The following CD82 variants were observed in gnomAD, a reference collection of about 807,000 sequenced individuals.
CD82 encodes CD82 molecule, also known as CD82 antigen.
In CD82, 36 loss-of-function variants were observed where a neutral mutation model predicts 37.4. The ratio of observed to expected loss-of-function variants is 0.96; its 90% confidence interval spans 0.74 to 1.27. CD82 has a LOEUF of 1.27. CD82 is among the 50% of genes most tolerant of loss of function. The pLI is 0.00. For synonymous variants in CD82, 158 were observed against 137.4 expected, an observed-to-expected ratio of 1.15 and a Z score of -1.05; for missense variants, 340 against 347.0, an observed-to-expected ratio of 0.98 and a Z score of 0.16.
rs769734246 is a variant in CD82, at chr11:44,587,541, A to G, written c.-36A>G. The G allele has an allele frequency of 4.4e-6, 2 of 456,234 alleles. No individual in the cohort carries two copies. The highest frequency in any genetic ancestry group is 4.0e-5 in the African/African-American group (2 of 50,080). The allele number at this position is 456,234 out of a possible 1,614,324, so 28.3% of individuals were successfully genotyped here. Reference sequence around the variant, plus strand: ...AGAAGTGGGCCCTGTGACCAGCTGCACTGGTTTCGTGGAAGGTAAGTCCTG... The same window carrying G: ...AGAAGTGGGCCCTGTGACCAGCTGCGCTGGTTTCGTGGAAGGTAAGTCCTG... On this transcript the variant is annotated 5_prime_UTR_variant, in exon 2 of 10. Coordinates refer to ENST00000227155, the MANE Select transcript of CD82 (RefSeq NM_002231.4).
intron 6 of CD82, among the ~76,000 whole-genome samples, chr11:44,614,542 C>T (rs1014912501): frequency 4.6e-5 from 7 of 152,236 alleles, no homozygotes; most frequent in Non-Finnish European, 7.3e-5. Flanking sequence ...CCTGCCCCCA[C>T]GGAGCTGATG....
At chr11:44,588,227 G>GT (rs1853088101) in intron 2 of CD82, among the ~76,000 whole-genome samples, 3 of 59,788 alleles carry the variant, frequency 5.0e-5, no homozygotes, top group Non-Finnish European at 7.3e-5. Context: ...TTTGTTTTTT[G>GT]TTTTTTGTTT....
Position 44,618,678 on chromosome 11 carries a change from C to A in CD82, c.681C>A (p.Asn227Lys). 1 of 1,613,376 alleles carries A rather than the reference C, an allele frequency of 6.2e-7. No individual in the cohort carries two copies. The highest frequency in any genetic ancestry group is 8.5e-7 in the Non-Finnish European group (1 of 1,179,960). The change falls in exon 9 of 10, where the codon AAC (asparagine) becomes AAA (lysine). Residue 227 changes from asparagine to lysine, a missense_variant. By Grantham distance (94) the Asn-to-Lys change is moderately conservative. Transcript: ENST00000227155. Reference protein sequence around the residue: ...MEKVQAWLQENLGIILGVGVG... With the variant: ...MEKVQAWLQEKLGIILGVGVG... ...AGGTGCAGGCGTGGCTGCAGGAGAA[C>A]CTGGGCATCATCCTCGGCGTGGGCG... is the stretch of plus-strand genomic sequence containing the variant.
At chr11:44,617,586 G>T (rs556267921) in intron 7 of CD82, among the ~76,000 whole-genome samples, 16 of 148,622 alleles carry the variant, frequency 1.1e-4, no homozygotes, top group Admixed American at 9.4e-4. Context: ...AAAAAAAGGC[G>T]GAATTGACCC....
chr11:44,607,238 C>T (rs966551702), intron 6 of CD82, among the ~76,000 whole-genome samples: 3 of 152,238 alleles, frequency 2.0e-5, no homozygotes, highest in African/African-American at 4.8e-5. Context: ...TGGAACTTCA[C>T]AAGACAAGAT....
intron 6 of CD82, among the ~76,000 whole-genome samples, chr11:44,612,383 T>A (rs1303554883): frequency 6.6e-6 from 1 of 152,156 alleles, no homozygotes; most frequent in Non-Finnish European, 1.5e-5. Context: ...AGGCCATAGG[T>A]CTGCTGTGAA....
At chr11:44,586,946 C>T (rs1590333748) in intron 1 of CD82, among the ~76,000 whole-genome samples, 1 of 152,190 alleles carries the variant, frequency 6.6e-6, no homozygotes, top group Admixed American at 6.5e-5. Flanking sequence ...GTGGCGGATG[C>T]AGATACACTA....
chr11:44,591,316 T>C (rs1490954635), intron 2 of CD82, among the ~76,000 whole-genome samples: 1 of 152,190 alleles, frequency 6.6e-6, no homozygotes, highest in East Asian at 1.9e-4. Flanking sequence ...TCTGTGCCTC[T>C]GTTTGCATGT....
At chr11:44,617,896 G>A (rs1235144269) in intron 7 of CD82, among the ~76,000 whole-genome samples, 1 of 152,220 alleles carries the variant, frequency 6.6e-6, no homozygotes, top group African/African-American at 2.4e-5. Context: ...ACCCTGCACT[G>A]TGAACTGTCT....
At chr11:44,589,667 AG>A (rs1853110903) in intron 2 of CD82, among the ~76,000 whole-genome samples, 1 of 152,204 alleles carries the variant, frequency 6.6e-6, no homozygotes, top group African/African-American at 2.4e-5. Context: ...AATGAGGCCC[AG>A]GAAGTCCCTC....
chr11:44,584,668 A>G (rs545893132), intron 1 of CD82, among the ~76,000 whole-genome samples: 43 of 147,862 alleles, frequency 2.9e-4, no homozygotes, highest in Non-Finnish European at 5.7e-4. Flanking sequence ...AGTAGCAGCT[A>G]TTTTTTTTTT....
chr11:44,608,924 TCGTGCGGCACTCAGCCGGAGG>T (rs1203995698), intron 6 of CD82, among the ~76,000 whole-genome samples: 2 of 152,240 alleles, frequency 1.3e-5, no homozygotes, highest in Non-Finnish European at 2.9e-5. Flanking sequence ...GGGAAGGGCG[TCGTGCGGCACTCAGCCGGAGG>T]CTGATGTTGC....
intron 1 of CD82, among the ~76,000 whole-genome samples, chr11:44,571,150 A>G (rs921816805): frequency 6.6e-6 from 1 of 152,226 alleles, no homozygotes; most frequent in Non-Finnish European, 1.5e-5. Flanking sequence ...GTAGTTGGGC[A>G]TTAGGAAGCC....
intron 2 of CD82, among the ~76,000 whole-genome samples, chr11:44,589,957 C>T (rs1432839995): frequency 6.6e-6 from 1 of 152,110 alleles, no homozygotes; most frequent in Non-Finnish European, 1.5e-5. Flanking sequence ...CCTCAGCCTC[C>T]CAAGTAGCTG....
At chr11:44,600,068 T>TGCCCA (rs1853285414) in intron 3 of CD82, 90 bp from the exon 4 acceptor site, 1 of 1,340,818 alleles carries the variant, frequency 7.5e-7, no homozygotes, top group African/African-American at 1.4e-5. Flanking sequence ...CCCCCTGCCC[T>TGCCCA]GCCCACCCTG....
chr11:44,585,555 G>A lies in CD82; in HGVS notation c.-102-1920G>A, dbSNP rs7116996. Among the ~76,000 whole-genome samples, 1,222 of 152,318 alleles carry A rather than the reference G, an allele frequency of 8.0e-3. 20 individuals carry two copies. Among genetic ancestry groups the A allele is most frequent in the African/African-American group, 0.028 (1,167 of 41,564 alleles). ...TAGCCTGATGGCGATTCATCTTCAT[G>A]CCTGCGGTAGGTGGGCGGGGTTGGC... On this transcript the variant is annotated intron_variant, in intron 1 of 9. Coordinates refer to ENST00000227155, the MANE Select transcript of CD82 (RefSeq NM_002231.4).
rs566563287 is a variant in CD82, at chr11:44,573,555, T to A, written c.-103+7819T>A. Among the ~76,000 whole-genome samples, 381 of 152,310 alleles carry A rather than the reference T, an allele frequency of 2.5e-3. 3 individuals carry two copies. The highest frequency in any genetic ancestry group is 8.8e-3 in the African/African-American group (367 of 41,556). ...GAGTAACTGAGGCAGGGAGGATGTG[T>A]CCTCTACTCTGAACTAGTCACTTAT... On this transcript the variant is annotated intron_variant, in intron 1 of 9. Coordinates refer to ENST00000227155, the MANE Select transcript of CD82 (RefSeq NM_002231.4).
At chr11:44,596,107 C>A (rs942851605) in intron 3 of CD82, among the ~76,000 whole-genome samples, 12 of 152,178 alleles carry the variant, frequency 7.9e-5, no homozygotes, top group Non-Finnish European at 1.5e-5. Context: ...CCTGGAGGAC[C>A]CTGTGAGGCC....
intron 6 of CD82, 47 bp from the exon 7 acceptor site, chr11:44,615,225 A>G (rs767944095): frequency 7.7e-7 from 1 of 1,296,904 alleles, no homozygotes; most frequent in Non-Finnish European, 1.1e-6. Flanking sequence ...ACAGGTGGGC[A>G]CGGGTTTCAG....
Sources: allele counts gnomAD v4.1 joint callset (sites outside exome capture counted in the v4.1 genomes callset), GRCh38; gene constraint gnomAD v4.1.1; transcripts MANE v1.5; gene names NCBI Gene and HGNC (gene_info 2026-07-23, HGNC 2026-07-21).